TCF7L2: variants seen among roughly 807,000 people sequenced by gnomAD.
TCF7L2 encodes transcription factor 7-like 2.
In TCF7L2, 23 loss-of-function variants were observed where a neutral mutation model predicts 77.9. The observed-to-expected ratio is 0.30, with a 90% CI of 0.21 to 0.42. TCF7L2 has a LOEUF of 0.42. TCF7L2 is among the 10% of genes least tolerant of loss of function. TCF7L2 has a pLI of 1.00. For missense variants in TCF7L2, 654 were observed against 793.1 expected (o/e 0.82, Z 2.11); for synonymous variants, 413 against 340.2 (o/e 1.21, Z -2.36).
In TCF7L2 at chr10:113,151,578, C is replaced by A. The variant is rs1205235815; in HGVS notation, c.1002-147C>A. 2.0e-6 allele frequency: 2 copies of A among 986,786 alleles called. No homozygotes were observed. The highest frequency in any genetic ancestry group is 2.8e-6 in the Non-Finnish European group (2 of 716,998). The allele number at this position is 986,786 out of a possible 1,614,324, so 61.1% of individuals were successfully genotyped here. ...CCCCAAGCTATTTTTGTTCCATTTT[C>A]CGGGGTGCAGAAGAACTAAAAGCAT... On this transcript the variant is annotated intron_variant, in intron 9 of 13. Coordinates refer to ENST00000627217, the MANE Select transcript of TCF7L2 (RefSeq NM_001146274.2). This position sits in a 1 kb window ranked among gnomAD's most constrained non-coding sequence, Gnocchi z 5.2.
At chr10:113,078,584 G>T (rs1035060183) in intron 5 of TCF7L2, among the ~76,000 whole-genome samples, 1 of 151,994 alleles carries the variant, frequency 6.6e-6, no homozygotes, top group Non-Finnish European at 1.5e-5. Flanking sequence ...CTCACTATAG[G>T]CTGGTCTTGA....
chr10:113,097,646 G>GGAA lies in TCF7L2; in HGVS notation c.553-43538_553-43537insGAA, dbSNP rs1491308139. The stretch of plus-strand genomic sequence containing the variant: ...GTGACAGAGTAAGACTCTTGTCTCG[G>GGAA]AAAAAAAAAAAAAAAAAAAAAAAAA... On this transcript the variant is annotated intron_variant, in intron 5 of 13. Coordinates refer to ENST00000627217, the MANE Select transcript of TCF7L2 (RefSeq NM_001146274.2). Among the ~76,000 whole-genome samples the GGAA allele has an allele frequency of 6.8e-4, 25 of 36,744 alleles. 2 individuals are homozygous for GGAA. Among genetic ancestry groups the GGAA allele is most frequent in the African/African-American group, 2.2e-3 (20 of 9,272 alleles). 24.1% of individuals were successfully genotyped at this position (36,744 alleles called of 152,430 possible). A position where few individuals can be genotyped will look rare whatever the true frequency, so the allele number is the denominator to read the frequency against.
At chr10:113,152,592 G>A (rs904556617) in intron 11 of TCF7L2, 152 bp downstream of exon 11, 16 of 622,622 alleles carry the variant, frequency 2.6e-5, no homozygotes, top group African/African-American at 5.6e-5. Flanking sequence ...TTCCTGGATC[G>A]CTAAACTGCA....
At position 113,151,638 on chromosome 10, in the gene TCF7L2, A is replaced by T; in HGVS notation, c.1002-87A>T. 2 of 1,469,132 alleles carry T rather than the reference A, an allele frequency of 1.4e-6. No individual in the cohort carries two copies. The highest frequency in any genetic ancestry group is 1.8e-6 in the Non-Finnish European group (2 of 1,107,192). 91.0% of individuals were successfully genotyped at this position (1,469,132 alleles called of 1,614,324 possible). ...TCCAAAACTGCTAGGCTTGGGGGTT[A>T]TGAGACAAGGAGATACGTTCCCTGC... On this transcript the variant is annotated intron_variant, in intron 9 of 13. Transcript: ENST00000627217. This position sits in a 1 kb window ranked among gnomAD's most constrained non-coding sequence, Gnocchi z 5.2.
chr10:113,113,205 C>T lies in TCF7L2; in HGVS notation c.553-27979C>T, dbSNP rs577738667. On this transcript the variant is annotated intron_variant, in intron 5 of 13. Transcript: ENST00000627217. ...AAATCCTGACAGCTTGCAGTTTCTTCAGCCTCTCTCCCTGCACTTCAGTAC... is the reference window on the plus strand; with the variant it reads ...AAATCCTGACAGCTTGCAGTTTCTTTAGCCTCTCTCCCTGCACTTCAGTAC... 4.6e-5 allele frequency among the ~76,000 whole-genome samples: 7 copies of T among 152,284 alleles called. No individual in the cohort carries two copies. In the South Asian group the frequency reaches 1.5e-3, roughly 32 times the overall value.
chr10:112,952,280 C>T lies in TCF7L2; in HGVS notation c.381+673C>T, dbSNP rs575634857. 2.0e-5 allele frequency among the ~76,000 whole-genome samples: 3 copies of T among 152,328 alleles called. No homozygotes were observed. The South Asian group carries it at 6.2e-4, about 32-fold the overall frequency. ...TGGCTCTCGGCCCTCCTTCCCCCTT[C>T]CCCTGGAAGGTCACACTTCCCAGAT... is the stretch of plus-strand genomic sequence containing the variant. On this transcript the variant is annotated intron_variant, in intron 3 of 13. Coordinates refer to ENST00000627217, the MANE Select transcript of TCF7L2 (RefSeq NM_001146274.2).
chr10:113,069,171 C>T (rs562109210), intron 5 of TCF7L2, among the ~76,000 whole-genome samples: 1 of 151,158 alleles, frequency 6.6e-6, no homozygotes, highest in South Asian at 2.1e-4. Flanking sequence ...ATGGTGGTTG[C>T]GGTGGGCGCT....
intron 4 of TCF7L2, among the ~76,000 whole-genome samples, chr10:112,979,713 G>A (rs1037408196): frequency 4.6e-5 from 7 of 151,528 alleles, no homozygotes; most frequent in African/African-American, 7.3e-5. Flanking sequence ...CAGAGATGGC[G>A]CCACTGTACT....
At chr10:112,953,461 C>G (rs2032593279) in intron 3 of TCF7L2, among the ~76,000 whole-genome samples, 1 of 152,126 alleles carries the variant, frequency 6.6e-6, no homozygotes, top group East Asian at 1.9e-4. Flanking sequence ...CAGTGTTCGC[C>G]TACCAATAAA....
At chr10:113,159,929 C>T in intron 12 of TCF7L2, 1 of 1,563,350 alleles carries the variant, frequency 6.4e-7, no homozygotes, top group Middle Eastern at 1.7e-4. Flanking sequence ...GACCTGAGCG[C>T]TCCTAAGAAA....
chr10:113,062,430 C>T (rs2056609884), intron 5 of TCF7L2, among the ~76,000 whole-genome samples: 1 of 152,190 alleles, frequency 6.6e-6, no homozygotes, highest in Non-Finnish European at 1.5e-5. Flanking sequence ...AAAACCTTAG[C>T]CCTTAGGTCT....
chr10:112,975,654 G>A (rs1296263281), intron 4 of TCF7L2, among the ~76,000 whole-genome samples: 4 of 152,010 alleles, frequency 2.6e-5, no homozygotes, highest in African/African-American at 7.2e-5. Flanking sequence ...GCTAATTTTT[G>A]TATTTTCAGT....
chr10:113,137,249 TCC>T (rs2067560870), intron 5 of TCF7L2, among the ~76,000 whole-genome samples: 1 of 152,078 alleles, frequency 6.6e-6, no homozygotes, highest in African/African-American at 2.4e-5. Context: ...TGGCTGTGTA[TCC>T]CCCCTGCTCC....
intron 4 of TCF7L2, among the ~76,000 whole-genome samples, chr10:112,979,210 C>A (rs2040013437): frequency 6.6e-6 from 1 of 152,086 alleles, no homozygotes; most frequent in African/African-American, 2.4e-5. Flanking sequence ...TGGCAATGGA[C>A]CGCCAAGACA....
intron 4 of TCF7L2, among the ~76,000 whole-genome samples, chr10:112,979,095 T>C (rs1224679828): frequency 6.6e-6 from 1 of 152,182 alleles, no homozygotes; most frequent in Non-Finnish European, 1.5e-5. Flanking sequence ...TATTGTTTTT[T>C]TTCTCTTTTG....
At chr10:112,967,119 G>A (rs757702362) in intron 4 of TCF7L2, among the ~76,000 whole-genome samples, 23 of 152,230 alleles carry the variant, frequency 1.5e-4, no homozygotes, top group Admixed American at 6.5e-4. Flanking sequence ...TGTTCCCAAA[G>A]TACATTGGGG....
chr10:113,015,315 A>G (rs1404593756), intron 4 of TCF7L2, among the ~76,000 whole-genome samples: 2 of 152,246 alleles, frequency 1.3e-5, no homozygotes, highest in Non-Finnish European at 2.9e-5. Flanking sequence ...CTCAGATGAA[A>G]GGCACCGGAG....
intron 5 of TCF7L2, chr10:113,129,818 C>G (rs1346452623): frequency 2.3e-6 from 3 of 1,288,808 alleles, no homozygotes; most frequent in Non-Finnish European, 2.0e-6. Flanking sequence ...CTCGAAGGTA[C>G]AGAGAAAGTT....
chr10:113,066,466 T>G (rs2057279671), intron 5 of TCF7L2, among the ~76,000 whole-genome samples: 1 of 152,178 alleles, frequency 6.6e-6, no homozygotes, highest in African/African-American at 2.4e-5. Context: ...TGCATCTGAA[T>G]TTCAGATGCG....
Sources: gnomAD v4.1 joint callset for allele counts (sites outside exome capture counted in the v4.1 genomes callset) on GRCh38, gnomAD v4.1.1 for gene constraint, Gnocchi (gnomAD v3.1) non-coding constraint, MANE v1.5 for transcripts, NCBI Gene and HGNC (gene_info 2026-07-23, HGNC 2026-07-21) for gene names.